The following SNTB1 variants were observed in gnomAD, a reference collection of about 807,000 sequenced individuals.
The protein encoded by SNTB1 is syntrophin beta 1, also known as beta-1-syntrophin.
A neutral mutation model predicts 48.9 loss-of-function variants in SNTB1; 36 were observed. The observed-to-expected ratio is 0.74, with a 90% CI of 0.56 to 0.97. The LOEUF is 0.97. Among genes scored for constraint, SNTB1 ranks in the 50% least tolerant of loss-of-function variants. The pLI is 0.00. For missense variants in SNTB1, 786 were observed against 703.4 expected (o/e 1.12, Z -1.33); for synonymous variants, 299 against 294.6 (o/e 1.01, Z -0.15).
intron 1 of SNTB1, among the ~76,000 whole-genome samples, chr8:120,774,515 C>A (rs538351129): frequency 6.6e-6 from 1 of 151,908 alleles, no homozygotes; most frequent in Non-Finnish European, 1.5e-5. Context: ...TAATTGGATT[C>A]GTTTAGGTGG....
chr8:120,740,303 C>T (rs1819022254), intron 1 of SNTB1, among the ~76,000 whole-genome samples: 1 of 152,188 alleles, frequency 6.6e-6, no homozygotes, highest in African/African-American at 2.4e-5. Flanking sequence ...GATCCTCCAT[C>T]ACCTTGGCAT....
chr8:120,731,583 T>C (rs1395937084), intron 1 of SNTB1, among the ~76,000 whole-genome samples: 1 of 152,228 alleles, frequency 6.6e-6, no homozygotes, highest in Non-Finnish European at 1.5e-5. Flanking sequence ...CTCCCCTGCC[T>C]TGCCCAGAGT....
rs1818241855 is a variant in SNTB1, at chr8:120,698,165, A to G, written c.572-4257T>C. On this transcript the variant is annotated intron_variant, in intron 1 of 6. Transcript: ENST00000517992. ...ACAATGCCTGTGAACTTCACCACCA[A>G]GAAAAATAGAAATAAGGTATGATTC... Among the ~76,000 whole-genome samples, 5 of 152,324 alleles carry G rather than the reference A, an allele frequency of 3.3e-5. No homozygotes were observed. The South Asian group carries it at 1.0e-3, about 32-fold the overall frequency.
At chr8:120,630,407 G>T (rs968955839) in intron 3 of SNTB1, among the ~76,000 whole-genome samples, 2 of 152,090 alleles carry the variant, frequency 1.3e-5, no homozygotes, top group African/African-American at 4.8e-5. Flanking sequence ...TCAAGGGATG[G>T]TAGTGGCTTC....
At chr8:120,584,181 C>A (rs906805447) in intron 3 of SNTB1, among the ~76,000 whole-genome samples, 1 of 152,032 alleles carries the variant, frequency 6.6e-6, no homozygotes, top group African/African-American at 2.4e-5. Context: ...GTGGCTCATG[C>A]CTGTAATCCC....
At chr8:120,638,419 A>G (rs1436734785) in intron 2 of SNTB1, among the ~76,000 whole-genome samples, 2 of 150,754 alleles carry the variant, frequency 1.3e-5, no homozygotes, top group Non-Finnish European at 3.0e-5. Context: ...TTTTTTTATT[A>G]TTATACTTCA....
At chr8:120,772,245 TTC>T (rs1554585584) in intron 1 of SNTB1, among the ~76,000 whole-genome samples, 5 of 148,856 alleles carry the variant, frequency 3.4e-5, no homozygotes, top group African/African-American at 1.0e-4. Flanking sequence ...ACACAATTTT[TTC>T]TTCTTTTTTT....
chr8:120,564,355 A>T (rs1228938043), intron 4 of SNTB1, among the ~76,000 whole-genome samples: 1 of 150,772 alleles, frequency 6.6e-6, no homozygotes, highest in African/African-American at 2.4e-5. Context: ...GTCATTTGAG[A>T]ACATTAAAAT....
intron 3 of SNTB1, among the ~76,000 whole-genome samples, chr8:120,608,225 A>C (rs1209534695): frequency 1.3e-5 from 2 of 152,282 alleles, no homozygotes; most frequent in East Asian, 3.9e-4. Context: ...AAAAGATAAA[A>C]ATTCTCCATG....
At chr8:120,783,365 A>C (rs1819861915) in intron 1 of SNTB1, among the ~76,000 whole-genome samples, 2 of 152,156 alleles carry the variant, frequency 1.3e-5, no homozygotes, top group Non-Finnish European at 2.9e-5. Context: ...GCATTGTTTA[A>C]AATGAAAGTT....
At chr8:120,574,174 TAAA>T (rs1172018477) in intron 4 of SNTB1, among the ~76,000 whole-genome samples, 10 of 152,166 alleles carry the variant, frequency 6.6e-5, no homozygotes, top group Non-Finnish European at 1.0e-4. Context: ...ACGAAGCTCT[TAAA>T]GCAGAGAGTA....
intron 3 of SNTB1, among the ~76,000 whole-genome samples, chr8:120,607,301 T>C (rs1200045430): frequency 6.6e-6 from 1 of 152,246 alleles, no homozygotes; most frequent in Non-Finnish European, 1.5e-5. Context: ...ATATTCACTA[T>C]TTTAAGGCTG....
chr8:120,793,999 G>A (rs1297542831), intron 1 of SNTB1, among the ~76,000 whole-genome samples: 1 of 151,874 alleles, frequency 6.6e-6, no homozygotes, highest in Non-Finnish European at 1.5e-5. Flanking sequence ...TACTGTAGAA[G>A]GAAAAAAATC....
At chr8:120,740,148 C>T (rs1442511554) in intron 1 of SNTB1, among the ~76,000 whole-genome samples, 1 of 152,132 alleles carries the variant, frequency 6.6e-6, no homozygotes, top group Non-Finnish European at 1.5e-5. Flanking sequence ...AAAAGTGATG[C>T]ACCTCTTATA....
chr8:120,693,300 C>A (rs1818158141), intron 2 of SNTB1, among the ~76,000 whole-genome samples: 1 of 152,142 alleles, frequency 6.6e-6, no homozygotes, highest in African/African-American at 2.4e-5. Context: ...CTAACTATAT[C>A]ACATGGATTT....
At chr8:120,751,453 C>A (rs781752210) in intron 1 of SNTB1, among the ~76,000 whole-genome samples, 1 of 150,872 alleles carries the variant, frequency 6.6e-6, no homozygotes, top group Non-Finnish European at 1.5e-5. Flanking sequence ...AATAGCCATA[C>A]GAATTAAATC....
At chr8:120,684,976 C>A (rs1223798984) in intron 2 of SNTB1, among the ~76,000 whole-genome samples, 1 of 152,142 alleles carries the variant, frequency 6.6e-6, no homozygotes, top group African/African-American at 2.4e-5. Flanking sequence ...CTTAATTCTC[C>A]AGAATAATTT....
At chr8:120,562,386 T>A (rs1027642656) in intron 4 of SNTB1, among the ~76,000 whole-genome samples, 12 of 152,144 alleles carry the variant, frequency 7.9e-5, no homozygotes, top group Admixed American at 1.3e-4. Context: ...TCAAAGTCCA[T>A]GGACCTCCTC....
chr8:120,648,293 A>C (rs1817338187), intron 2 of SNTB1, among the ~76,000 whole-genome samples: 1 of 146,582 alleles, frequency 6.8e-6, no homozygotes, highest in African/African-American at 2.5e-5. Context: ...ATGATTTTGC[A>C]GCGGCTGGTA....
Sources: gnomAD v4.1 joint callset for allele counts (sites outside exome capture counted in the v4.1 genomes callset) on GRCh38, gnomAD v4.1.1 for gene constraint, MANE v1.5 for transcripts, NCBI Gene and HGNC (gene_info 2026-07-23, HGNC 2026-07-21) for gene names.